Variants in INPP4B observed in about 807,000 individuals in gnomAD.
INPP4B encodes the protein inositol polyphosphate-4-phosphatase type II B.
In INPP4B, 55 loss-of-function variants were observed where a neutral mutation model predicts 122.5. That is an observed-to-expected ratio of 0.45 (90% CI 0.36 to 0.56). The LOEUF is 0.56. INPP4B is among the 20% of genes least tolerant of loss of function. The pLI is 0.00. For missense variants in INPP4B, 1,000 were observed against 1,097.7 expected, an observed-to-expected ratio of 0.91 and a Z score of 1.26; for synonymous variants, 403 against 388.7, an observed-to-expected ratio of 1.04 and a Z score of -0.43.
chr4:142,714,818 A>C (rs1763557074), intron 2 of INPP4B, among the ~76,000 whole-genome samples: 1 of 152,206 alleles, frequency 6.6e-6, no homozygotes, highest in Non-Finnish European at 1.5e-5. Context: ...TGCTGGGAGA[A>C]CAAGGGCCCC....
intron 1 of INPP4B, among the ~76,000 whole-genome samples, chr4:142,828,263 A>T (rs573276867): frequency 3.9e-5 from 6 of 152,158 alleles, no homozygotes; most frequent in Non-Finnish European, 8.8e-5. Flanking sequence ...ATAGATATTA[A>T]GGCCTTAAAT....
rs1055422154 is a variant in INPP4B, at chr4:142,366,455, C to T, written c.372+36483G>A. 9.2e-5 allele frequency among the ~76,000 whole-genome samples: 14 copies of T among 151,870 alleles called. No homozygotes were observed. The East Asian group carries it at 9.7e-4, about 11-fold the overall frequency. On this transcript the variant is annotated intron_variant, in intron 7 of 25. Coordinates refer to ENST00000262992, the MANE Select transcript of INPP4B (RefSeq NM_001101669.3). ...AGGCAGCTATTTCTAAATTAAAAGA[C>T]GCATTGAGTTTTAGCATAAGAATAA...
chr4:142,029,341 T>C (rs1044926113), intron 25 of INPP4B: 3 of 984,644 alleles, frequency 3.0e-6, no homozygotes, highest in East Asian at 1.1e-4. Flanking sequence ...TCTGGCCCTA[T>C]AGATTTTTAA....
intron 12 of INPP4B, among the ~76,000 whole-genome samples, chr4:142,226,254 A>T (rs1322087330): frequency 1.3e-5 from 2 of 152,170 alleles, no homozygotes; most frequent in Admixed American, 1.3e-4. Flanking sequence ...ACACACACAC[A>T]CACAGACCTT....
intron 1 of INPP4B, among the ~76,000 whole-genome samples, chr4:142,844,224 A>C (rs1044715707): frequency 2.0e-5 from 3 of 152,026 alleles, no homozygotes; most frequent in Non-Finnish European, 2.9e-5. Flanking sequence ...TACACTTTAT[A>C]AAGAGTCAAA....
intron 2 of INPP4B, among the ~76,000 whole-genome samples, chr4:142,588,494 C>T (rs561310728): frequency 6.6e-6 from 1 of 151,302 alleles, no homozygotes; most frequent in Non-Finnish European, 1.5e-5. Context: ...ATACAAAAGT[C>T]AATTTCTTTG....
intron 2 of INPP4B, among the ~76,000 whole-genome samples, chr4:142,720,126 T>C (rs536636308): frequency 4.7e-4 from 72 of 152,322 alleles, no homozygotes; most frequent in African/African-American, 1.7e-3. Context: ...ATACAGAGAA[T>C]ACTGGAAGTA....
chr4:142,034,587 A>C (rs1045164673), intron 25 of INPP4B, among the ~76,000 whole-genome samples: 2 of 152,046 alleles, frequency 1.3e-5, no homozygotes, highest in Non-Finnish European at 2.9e-5. Context: ...CACAGCCTGC[A>C]CAGCCAGGCT....
chr4:142,557,460 C>T (rs370846806), intron 2 of INPP4B, among the ~76,000 whole-genome samples: 1 of 152,244 alleles, frequency 6.6e-6, no homozygotes, highest in East Asian at 1.9e-4. Context: ...CACACACAGA[C>T]ACACAGCCTC....
chr4:142,830,448 C>T (rs1781981020), intron 1 of INPP4B, among the ~76,000 whole-genome samples: 1 of 152,172 alleles, frequency 6.6e-6, no homozygotes, highest in South Asian at 2.1e-4. Context: ...ATGCTGACCA[C>T]CTCTGCCAAG....
At chr4:142,273,294 T>G (rs3102441) in intron 9 of INPP4B, among the ~76,000 whole-genome samples, 151,043 of 151,976 alleles carry the variant, frequency 0.99, 75,063 homozygotes, top group Middle Eastern at 1. Flanking sequence ...AATTGCTACT[T>G]TTATTAATGT....
At chr4:142,200,703 A>T (rs1840273934) in intron 14 of INPP4B, among the ~76,000 whole-genome samples, 1 of 152,064 alleles carries the variant, frequency 6.6e-6, no homozygotes, top group African/African-American at 2.4e-5. Flanking sequence ...GAAAACAATC[A>T]GATTTGAAAA....
At chr4:142,034,762 C>T (rs992059601) in intron 25 of INPP4B, among the ~76,000 whole-genome samples, 6 of 152,152 alleles carry the variant, frequency 3.9e-5, no homozygotes, top group Admixed American at 3.3e-4. Context: ...CTAGCCACTC[C>T]AGTCATGCTC....
intron 3 of INPP4B, among the ~76,000 whole-genome samples, chr4:142,438,716 GCTT>G (rs1811067551): frequency 6.6e-6 from 1 of 152,064 alleles, no homozygotes; most frequent in Non-Finnish European, 1.5e-5. Context: ...TAATTAAAGA[GCTT>G]CTGCACAGCA....
chr4:142,227,642 C>T (rs1250177622), intron 12 of INPP4B, among the ~76,000 whole-genome samples: 3 of 151,760 alleles, frequency 2.0e-5, no homozygotes, highest in East Asian at 3.9e-4. Context: ...AGGTGGATCA[C>T]TTGAGGTCGG....
chr4:142,323,601 A>G (rs1771051806), intron 7 of INPP4B, among the ~76,000 whole-genome samples: 2 of 151,912 alleles, frequency 1.3e-5, no homozygotes, highest in South Asian at 4.2e-4. Flanking sequence ...ACCCGCCACC[A>G]CGCCTGGCTA....
In INPP4B at chr4:142,328,185, C is replaced by G. The variant is rs139612564; in HGVS notation, c.373-13423G>C. Reference sequence around the variant, plus strand: ...AATTAAATGTCATGAACTCTTCTGACGAAGAAAATAAGGAAATGTACAGCG... The same window carrying G: ...AATTAAATGTCATGAACTCTTCTGAGGAAGAAAATAAGGAAATGTACAGCG... On this transcript the variant is annotated intron_variant, in intron 7 of 25. Transcript: ENST00000262992. 4.2e-3 allele frequency among the ~76,000 whole-genome samples: 645 copies of G among 151,916 alleles called. 8 individuals carry two copies. The highest frequency in any genetic ancestry group is 0.014 in the African/African-American group (597 of 41,406).
intron 7 of INPP4B, among the ~76,000 whole-genome samples, chr4:142,394,338 G>C (rs533311577): frequency 1.3e-5 from 2 of 152,208 alleles, no homozygotes; most frequent in East Asian, 1.9e-4. Context: ...GTAGAGACAG[G>C]GTTTCACCGT....
At chr4:142,650,599 C>T (rs1414467461) in intron 2 of INPP4B, among the ~76,000 whole-genome samples, 1 of 150,380 alleles carries the variant, frequency 6.6e-6, no homozygotes, top group Non-Finnish European at 1.5e-5. Flanking sequence ...GACTTGAAAC[C>T]AACAAAGATC....
Sources: allele counts gnomAD v4.1 joint callset (sites outside exome capture counted in the v4.1 genomes callset), GRCh38; gene constraint gnomAD v4.1.1; transcripts MANE v1.5; gene names NCBI Gene and HGNC (gene_info 2026-07-23, HGNC 2026-07-21).